UNC79: variants seen among roughly 807,000 people sequenced by gnomAD.
UNC79 encodes protein unc-79 homolog.
In UNC79, 37 loss-of-function variants were observed where a neutral mutation model predicts 283.1. That is an observed-to-expected ratio of 0.13 (90% CI 0.10 to 0.17). The LOEUF (loss-of-function observed/expected upper bound fraction) is 0.17, where lower values mean the gene tolerates loss of function less well. Among genes scored for constraint, UNC79 ranks in the 10% least tolerant of loss-of-function variants. UNC79 has a pLI of 1.00. For missense variants in UNC79, 2,272 were observed against 3,211.1 expected (o/e 0.71, Z 7.07); for synonymous variants, 1,107 against 1,200.2 (o/e 0.92, Z 1.61).
intron 7 of UNC79, among the ~76,000 whole-genome samples, chr14:93,520,008 T>G (rs1052335071): frequency 6.6e-6 from 1 of 151,950 alleles, no homozygotes; most frequent in Admixed American, 6.6e-5. Flanking sequence ...CTTTATGCCT[T>G]TGTGTAAATT....
chr14:93,464,338 C>T (rs2057074505), intron 1 of UNC79, among the ~76,000 whole-genome samples: 1 of 152,180 alleles, frequency 6.6e-6, no homozygotes, highest in South Asian at 2.1e-4. Flanking sequence ...CTCTCCTTGA[C>T]TTGCAGATGG....
In UNC79 at chr14:93,430,737, C is replaced by T. The variant is rs927114630; in HGVS notation, c.-293C>T. 2.0e-5 allele frequency: 7 copies of T among 349,810 alleles called. No individual in the cohort carries two copies. Among genetic ancestry groups the T allele is most frequent in the Admixed American group, 1.2e-4 (3 of 25,492 alleles). The allele number at this position is 349,810 out of a possible 1,614,324, so 21.7% of individuals were successfully genotyped here. ...CCGCAGCCTGCTCTCTCCTTTCGGT[C>T]TCCCCGCCCACATCAACGCGGGCAG... On this transcript the variant is annotated 5_prime_UTR_variant, in exon 1 of 49. Coordinates refer to ENST00000555664, the Ensembl canonical transcript of UNC79. The surrounding 1 kb of genome is among the most constrained non-coding windows in gnomAD (Gnocchi z 4.6).
intron 1 of UNC79, among the ~76,000 whole-genome samples, chr14:93,356,717 T>A (rs1160072500): frequency 6.6e-6 from 1 of 152,248 alleles, no homozygotes; most frequent in African/African-American, 2.4e-5. Context: ...TTTTCAGGTT[T>A]TGAAATATTT....
intron 48 of UNC79, 33 bp downstream of exon 51, chr14:93,704,699 G>T: frequency 1.2e-6 from 2 of 1,611,836 alleles, no homozygotes. Flanking sequence ...TGGAAGCTCG[G>T]TTTCCTGCAG....
chr14:93,407,620 T>A (rs773678370), intron 1 of UNC79, among the ~76,000 whole-genome samples: 6 of 151,968 alleles, frequency 3.9e-5, no homozygotes, highest in Admixed American at 3.3e-4. Context: ...AGAAGGGCAA[T>A]CAGATCATTG....
chr14:93,632,865 C>G (rs1440180675), intron 31 of UNC79, among the ~76,000 whole-genome samples: 4 of 151,828 alleles, frequency 2.6e-5, no homozygotes, highest in Non-Finnish European at 5.9e-5. Flanking sequence ...TAGCTTAGCA[C>G]TTAATTAGAT....
At position 93,362,139 on chromosome 14, in the gene UNC79, C is replaced by G. The variant is rs547057701; in HGVS notation, c.-351+28616C>G. Among the ~76,000 whole-genome samples the G allele has an allele frequency of 2.6e-5, 4 of 152,242 alleles. No individual in the cohort carries two copies. In the South Asian group the frequency reaches 8.3e-4, roughly 32 times the overall value. Reference sequence around the variant, plus strand: ...ATCTCTGTTCATCAGGCATATCTGCCTGGAATTGTCTTTTTTCATCGTGTC... The same window carrying G: ...ATCTCTGTTCATCAGGCATATCTGCGTGGAATTGTCTTTTTTCATCGTGTC... On this transcript the variant is annotated intron_variant, in intron 1 of 49. Transcript: ENST00000256339.
intron 1 of UNC79, among the ~76,000 whole-genome samples, chr14:93,352,813 C>T (rs2054003498): frequency 6.6e-6 from 1 of 152,154 alleles, no homozygotes; most frequent in South Asian, 2.1e-4. Flanking sequence ...TCCTGATAAA[C>T]CCATTGTAAA....
intron 14 of UNC79, among the ~76,000 whole-genome samples, chr14:93,552,261 A>C (rs1443323666): frequency 6.6e-6 from 1 of 152,196 alleles, no homozygotes; most frequent in African/African-American, 2.4e-5. Flanking sequence ...AGACATTTCT[A>C]TGGAAACAAA....
chr14:93,663,857 TA>T, intron 40 of UNC79, among the ~76,000 whole-genome samples: 1 of 152,234 alleles, frequency 6.6e-6, no homozygotes. Context: ...TGTTTATGTT[TA>T]ATTTGTTTAA....
intron 26 of UNC79, among the ~76,000 whole-genome samples, chr14:93,606,366 A>G (rs1486533889): frequency 6.6e-6 from 1 of 152,252 alleles, no homozygotes. Context: ...ACACCATCAT[A>G]AGCAAAACTT....
intron 30 of UNC79, among the ~76,000 whole-genome samples, chr14:93,626,343 G>C (rs1398337210): frequency 6.6e-6 from 1 of 151,826 alleles, no homozygotes; most frequent in African/African-American, 2.4e-5. Context: ...TAGGTTAACT[G>C]TCTGTAGTCC....
chr14:93,641,195 G>T (rs759632143), exon 33 of UNC79: 2 of 1,613,840 alleles, frequency 1.2e-6, no homozygotes, highest in Admixed American at 3.3e-5. Context: ...CAGTATGTTT[G>T]TGCCTGCACC....
chr14:93,417,463 T>A (rs1238939332), intron 1 of UNC79, among the ~76,000 whole-genome samples: 1 of 152,326 alleles, frequency 6.6e-6, no homozygotes, highest in East Asian at 1.9e-4. Context: ...CATTTTTTCC[T>A]TCATTTCAAC....
intron 33 of UNC79, among the ~76,000 whole-genome samples, chr14:93,642,541 G>A (rs1443738832): frequency 6.6e-6 from 1 of 152,016 alleles, no homozygotes; most frequent in Non-Finnish European, 1.5e-5. Flanking sequence ...CTGAAGAAGC[G>A]GTGGTGCCTG....
chr14:93,456,592 T>C (rs934754544), intron 1 of UNC79, among the ~76,000 whole-genome samples: 1 of 152,158 alleles, frequency 6.6e-6, no homozygotes, highest in African/African-American at 2.4e-5. Context: ...CTACTGCCCC[T>C]CCTAAGATTA....
chr14:93,495,653 G>A (rs545899034), intron 5 of UNC79, among the ~76,000 whole-genome samples: 25 of 152,182 alleles, frequency 1.6e-4, no homozygotes, highest in Non-Finnish European at 3.5e-4. Flanking sequence ...ACTGAATGTG[G>A]CTGAAAAGTC....
chr14:93,371,123 CT>C (rs2054435054), intron 1 of UNC79, among the ~76,000 whole-genome samples: 1 of 152,132 alleles, frequency 6.6e-6, no homozygotes, highest in South Asian at 2.1e-4. Context: ...TGGCTCACCC[CT>C]GTACCCTGTA....
chr14:93,403,561 A>G (rs981677283), intron 1 of UNC79, among the ~76,000 whole-genome samples: 2 of 152,198 alleles, frequency 1.3e-5, no homozygotes, highest in African/African-American at 4.8e-5. Flanking sequence ...TTTCAGCATT[A>G]CAAAAGCCAT....
Sources: gnomAD v4.1 joint callset for allele counts (sites outside exome capture counted in the v4.1 genomes callset) on GRCh38, gnomAD v4.1.1 for gene constraint, Gnocchi (gnomAD v3.1) non-coding constraint, MANE v1.5 for transcripts, NCBI Gene and HGNC (gene_info 2026-07-23, HGNC 2026-07-21) for gene names.